The following PARD3 variants were observed in gnomAD, a reference collection of about 807,000 sequenced individuals.
PARD3 encodes par-3 family cell polarity regulator, also known as partitioning defective 3 homolog.
A neutral mutation model predicts 155.4 loss-of-function variants in PARD3; 75 were observed. That is an observed-to-expected ratio of 0.48 (90% CI 0.40 to 0.58). The LOEUF is 0.58. PARD3 is among the 20% of genes least tolerant of loss of function. The pLI, the probability that PARD3 is intolerant of heterozygous loss-of-function variation, is 0.00. For missense variants in PARD3, 1,642 were observed against 1,721.7 expected, an observed-to-expected ratio of 0.95 and a Z score of 0.82; for synonymous variants, 576 against 610.5, an observed-to-expected ratio of 0.94 and a Z score of 0.83.
intron 22 of PARD3, among the ~76,000 whole-genome samples, chr10:34,204,749 T>G (rs1951388188): frequency 1.3e-5 from 2 of 152,192 alleles, no homozygotes; most frequent in Admixed American, 1.3e-4. Context: ...TCATCTTTCT[T>G]GATGTAAACA....
At chr10:34,295,486 C>T (rs2133989978) in intron 20 of PARD3, among the ~76,000 whole-genome samples, 1 of 152,286 alleles carries the variant, frequency 6.6e-6, no homozygotes, top group Admixed American at 6.5e-5. Flanking sequence ...TAGACAGGCT[C>T]ACTGGCCATC....
At chr10:34,687,780 T>C (rs967828288) in intron 2 of PARD3, among the ~76,000 whole-genome samples, 7 of 144,476 alleles carry the variant, frequency 4.8e-5, no homozygotes, top group Non-Finnish European at 1.1e-4. Flanking sequence ...CTGTTGATCA[T>C]CCACACAAAA....
chr10:34,494,018 CAA>C (rs1336477204), intron 3 of PARD3, among the ~76,000 whole-genome samples: 10 of 152,306 alleles, frequency 6.6e-5, no homozygotes, highest in Admixed American at 2.0e-4. Flanking sequence ...GAAAATGTGA[CAA>C]AGCCAGGTTT....
At chr10:34,246,696 C>T (rs1309549119) in intron 22 of PARD3, among the ~76,000 whole-genome samples, 3 of 149,160 alleles carry the variant, frequency 2.0e-5, no homozygotes, top group Non-Finnish European at 2.9e-5. Flanking sequence ...ACCAGGCGGC[C>T]GTAAGATGAA....
intron 3 of PARD3, among the ~76,000 whole-genome samples, chr10:34,512,808 T>C (rs1444021351): frequency 6.6e-6 from 1 of 152,204 alleles, no homozygotes; most frequent in African/African-American, 2.4e-5. Context: ...ATACTAAGAA[T>C]ACTGGGTACT....
intron 20 of PARD3, among the ~76,000 whole-genome samples, chr10:34,310,224 T>G (rs1372951712): frequency 6.6e-6 from 1 of 152,224 alleles, no homozygotes; most frequent in Non-Finnish European, 1.5e-5. Flanking sequence ...TCACAAGGAA[T>G]ATTTCCAACA....
intron 1 of PARD3, among the ~76,000 whole-genome samples, chr10:34,753,418 A>T (rs1315091629): frequency 6.6e-6 from 1 of 152,204 alleles, no homozygotes; most frequent in Non-Finnish European, 1.5e-5. Context: ...TCCTCCTACA[A>T]AAGACTAGAC....
At chr10:34,705,065 T>C (rs540031548) in intron 1 of PARD3, among the ~76,000 whole-genome samples, 1 of 152,276 alleles carries the variant, frequency 6.6e-6, no homozygotes, top group South Asian at 2.1e-4. Flanking sequence ...TTTTAGAATA[T>C]ATTCTGAAGT....
chr10:34,804,584 A>G (rs781678759), intron 1 of PARD3, among the ~76,000 whole-genome samples: 19 of 152,218 alleles, frequency 1.2e-4, no homozygotes, highest in Non-Finnish European at 2.4e-4. Context: ...TTATTCACAT[A>G]TGGTTTTGCA....
intron 1 of PARD3, among the ~76,000 whole-genome samples, chr10:34,708,249 T>C (rs1335840866): frequency 1.3e-5 from 2 of 149,084 alleles, no homozygotes; most frequent in Non-Finnish European, 3.0e-5. Flanking sequence ...TACAACGCAA[T>C]TGCACTGATC....
At chr10:34,712,744 G>A (rs548396102) in intron 1 of PARD3, among the ~76,000 whole-genome samples, 6 of 151,906 alleles carry the variant, frequency 3.9e-5, no homozygotes, top group Non-Finnish European at 5.9e-5. Context: ...ACATAAAGAT[G>A]GCAACAATAA....
chr10:34,678,696 A>G (rs1218884336), intron 2 of PARD3, among the ~76,000 whole-genome samples: 2 of 152,204 alleles, frequency 1.3e-5, no homozygotes, highest in African/African-American at 4.8e-5. Flanking sequence ...AGCACAGAAA[A>G]TATCAGTATG....
At chr10:34,408,602 A>C (rs1844734972) in intron 5 of PARD3, among the ~76,000 whole-genome samples, 1 of 152,212 alleles carries the variant, frequency 6.6e-6, no homozygotes, top group East Asian at 1.9e-4. Context: ...TACTTGATTA[A>C]CTGGCCGAAA....
chr10:34,460,494 T>C (rs533473380), intron 4 of PARD3, among the ~76,000 whole-genome samples: 96 of 152,284 alleles, frequency 6.3e-4, no homozygotes, highest in African/African-American at 2.1e-3. Context: ...GTTGAACTAT[T>C]AGGTGAGCTA....
intron 22 of PARD3, among the ~76,000 whole-genome samples, chr10:34,132,219 A>C (rs903993082): frequency 3.9e-5 from 6 of 152,258 alleles, no homozygotes; most frequent in African/African-American, 1.4e-4. Context: ...TTAACCATCT[A>C]GTTAATAACA....
intron 5 of PARD3, among the ~76,000 whole-genome samples, chr10:34,417,891 G>C (rs1291207204): frequency 4.6e-5 from 7 of 152,092 alleles, no homozygotes; most frequent in Non-Finnish European, 1.0e-4. Context: ...TCAGAGTCTG[G>C]AGAAAGTAGC....
intron 2 of PARD3, among the ~76,000 whole-genome samples, chr10:34,655,376 AAC>A (rs759377758): frequency 5.3e-5 from 8 of 152,130 alleles, no homozygotes; most frequent in Non-Finnish European, 7.3e-5. Flanking sequence ...TTTTATGTAT[AAC>A]ACACAATAAG....
intron 2 of PARD3, among the ~76,000 whole-genome samples, chr10:34,568,207 A>C (rs1341244917): frequency 6.6e-6 from 1 of 152,216 alleles, no homozygotes; most frequent in African/African-American, 2.4e-5. Context: ...TGCTGCTGGA[A>C]TATCACTGAC....
chr10:34,424,087 T>C (rs576284627), intron 5 of PARD3, among the ~76,000 whole-genome samples: 29 of 152,330 alleles, frequency 1.9e-4, no homozygotes, highest in African/African-American at 6.5e-4. Context: ...AGTGTTGTTA[T>C]TGTATATTAA....
Sources: gnomAD v4.1 joint callset for allele counts (sites outside exome capture counted in the v4.1 genomes callset) on GRCh38, gnomAD v4.1.1 for gene constraint, MANE v1.5 for transcripts, NCBI Gene and HGNC (gene_info 2026-07-23, HGNC 2026-07-21) for gene names.